TAL2: variants seen among roughly 807,000 people sequenced by gnomAD.
TAL2 encodes the protein TAL bHLH transcription factor 2.
For missense variants in TAL2, 114 were observed against 129.6 expected (o/e 0.88, Z 0.58); for synonymous variants, 48 against 52.4 (o/e 0.92, Z 0.36).
rs2133518812 is a variant in TAL2 at position 105,662,797 on chromosome 9, C to T, written c.301C>T (p.Pro101Ser). 1.3e-6 allele frequency: 2 copies of T among 1,518,560 alleles called. No homozygotes were observed. The highest frequency in any genetic ancestry group is 2.7e-5 in the South Asian group (2 of 72,940). 94.1% of individuals were successfully genotyped at this position (1,518,560 alleles called of 1,614,324 possible). Residue 101 changes from proline to serine, a missense_variant, in exon 1 of 1, where the codon CCT (proline) becomes TCT (serine). Coordinates refer to ENST00000334077, the MANE Select transcript of TAL2 (RefSeq NM_005421.3). The stretch of plus-strand genomic sequence containing the variant: ...GCTTGAGAACTACCAGGTTCCTTCA[C>T]CTGGTCCAAGCCACCACATTCCTTA... Reference protein sequence around the residue: ...TLLENYQVPSPGPSHHIP With the variant: ...TLLENYQVPSSGPSHHIP
rs1834857288 is a variant in TAL2 at position 105,662,806 on chromosome 9, A to C, written c.310A>C (p.Ser104Arg). 1 of 1,511,286 alleles carries C rather than the reference A, an allele frequency of 6.6e-7. No homozygotes were observed. Among genetic ancestry groups the C allele is most frequent in the Non-Finnish European group, 8.8e-7 (1 of 1,131,888 alleles). The allele number at this position is 1,511,286 out of a possible 1,614,324, so 93.6% of individuals were successfully genotyped here. A position where few individuals can be genotyped will look rare whatever the true frequency, so the allele number is the denominator to read the frequency against. ...CTACCAGGTTCCTTCACCTGGTCCAAGCCACCACATTCCTTAGTGTGGCTC... is the reference window on the plus strand; with the variant it reads ...CTACCAGGTTCCTTCACCTGGTCCACGCCACCACATTCCTTAGTGTGGCTC... ...ENYQVPSPGP[S>R]HHIP Residue 104 changes from serine to arginine, a missense_variant, in exon 1 of 1, where the codon AGC (serine) becomes CGC (arginine). Coordinates refer to ENST00000334077, the MANE Select transcript of TAL2 (RefSeq NM_005421.3).
chr9:105,662,745 C>T lies in TAL2; in HGVS notation c.249C>T (p.His83=). ...NILGLFPQGP[H]LPGLEDRTLL... ...TGGGGCTCTTCCCTCAAGGACCCCA[C>T]CTGCCAGGCCTGGAGGACAGAACTC... The change falls in exon 1 of 1, where the codon CAC becomes CAT. Residue 83 remains histidine, a synonymous_variant. Transcript: ENST00000334077. 1.3e-6 allele frequency: 2 copies of T among 1,581,644 alleles called. No individual in the cohort carries two copies. Among genetic ancestry groups the T allele is most frequent in the South Asian group, 1.2e-5 (1 of 85,110 alleles).
In TAL2 at chr9:105,662,492, CA is replaced by C. The variant is rs773363690; in HGVS notation, c.-2del. The C allele has an allele frequency of 6.3e-7, 1 of 1,589,710 alleles. No individual in the cohort carries two copies. Among genetic ancestry groups the C allele is most frequent in the South Asian group, 1.2e-5 (1 of 85,904 alleles). On this transcript the variant is annotated 5_prime_UTR_variant, in exon 1 of 1. Transcript: ENST00000334077. ...CCTTTCTCTTTCCATCTCAGGAACT[CA>C]AACATGACCAGGAAGATCTTCACAA...
chr9:105,662,477 T>G lies in TAL2; in HGVS notation c.-20T>G. The G allele has an allele frequency of 6.4e-7, 1 of 1,571,856 alleles. No homozygotes were observed. Among genetic ancestry groups the G allele is most frequent in the Non-Finnish European group, 8.6e-7 (1 of 1,162,834 alleles). On this transcript the variant is annotated 5_prime_UTR_variant, in exon 1 of 1. Coordinates refer to ENST00000334077, the MANE Select transcript of TAL2 (RefSeq NM_005421.3). ...ATTGGCCCTGAGGGCCCTTTCTCTT[T>G]CCATCTCAGGAACTCAAACATGACC...
In TAL2 at chr9:105,662,763, C is replaced by G. The variant is rs1834857028; in HGVS notation, c.267C>G (p.Asp89Glu). Residue 89 changes from aspartate to glutamate, a missense_variant, in exon 1 of 1, where the codon GAC becomes GAG. By Grantham distance (45) the Asp-to-Glu change is conservative. Coordinates refer to ENST00000334077, the MANE Select transcript of TAL2 (RefSeq NM_005421.3). ...GACCCCACCTGCCAGGCCTGGAGGA[C>G]AGAACTCTGCTTGAGAACTACCAGG... is the stretch of plus-strand genomic sequence containing the variant. ...PQGPHLPGLE[D>E]RTLLENYQVP... 6.4e-7 allele frequency: 1 copy of G among 1,554,770 alleles called. No homozygotes were observed. The highest frequency in any genetic ancestry group is 1.4e-5 in the African/African-American group (1 of 72,756).
In TAL2 at chr9:105,662,630, G is replaced by A. The variant is rs748538341; in HGVS notation, c.134G>A (p.Arg45His). The A allele has an allele frequency of 8.7e-6, 14 of 1,613,944 alleles. No homozygotes were observed. The highest frequency in any genetic ancestry group is 2.7e-5 in the African/African-American group (2 of 74,920). ...AAGCTGAGCAAAAATGAAACGCTTC[G>A]CCTGGCAATGAGGTATATCAACTTC... ...DKKLSKNETLRLAMRYINFLV... is the reference protein window; with the variant it reads ...DKKLSKNETLHLAMRYINFLV... The change falls in exon 1 of 1, where the codon CGC (arginine) becomes CAC (histidine). Residue 45 changes from arginine (R) to histidine (H), a missense_variant. Physicochemically the swap from Arg to His is conservative, Grantham distance 29. Coordinates refer to ENST00000334077, the MANE Select transcript of TAL2 (RefSeq NM_005421.3).
Position 105,663,100 on chromosome 9 carries a change from A to AGT in TAL2, c.*277_*278insGT. 3.0e-6 allele frequency: 1 copy of AGT among 335,212 alleles called. No individual in the cohort carries two copies. The highest frequency in any genetic ancestry group is 5.5e-6 in the Non-Finnish European group (1 of 183,276). 20.8% of individuals were successfully genotyped at this position (335,212 alleles called of 1,614,324 possible). On this transcript the variant is annotated 3_prime_UTR_variant, in exon 1 of 1. Transcript: ENST00000334077. ...TAAGACTTTTGGAGAAAAAATTCTA[A>AGT]ATAAAAAAAAAAAAAGGCTGAAAAT...
rs1834858051 is a variant in TAL2 at position 105,662,889 on chromosome 9, T to C, written c.*66T>C. The C allele has an allele frequency of 1.5e-6, 2 of 1,298,916 alleles. No individual in the cohort carries two copies. The highest frequency in any genetic ancestry group is 2.0e-6 in the Non-Finnish European group (2 of 983,724). The allele number at this position is 1,298,916 out of a possible 1,614,324, so 80.5% of individuals were successfully genotyped here. A position where few individuals can be genotyped will look rare whatever the true frequency, so the allele number is the denominator to read the frequency against. ...GAAATCACTGCCTGTGGACAGACTT[T>C]TGCATGTTCCAGAGTTGACCTGATG... On this transcript the variant is annotated 3_prime_UTR_variant, in exon 1 of 1. Transcript: ENST00000334077.
chr9:105,662,757 G>A lies in TAL2; in HGVS notation c.261G>A (p.Leu87=). ...LFPQGPHLPG[L]EDRTLLENYQ... is the part of the protein sequence containing the mutation. ...CTCAAGGACCCCACCTGCCAGGCCT[G>A]GAGGACAGAACTCTGCTTGAGAACT... is the stretch of plus-strand genomic sequence containing the variant. Residue 87 remains leucine, a synonymous_variant, in exon 1 of 1, where the codon CTG becomes CTA. Transcript: ENST00000334077. 1 of 1,571,478 alleles carries A rather than the reference G, an allele frequency of 6.4e-7. No individual in the cohort carries two copies. Among genetic ancestry groups the A allele is most frequent in the South Asian group, 1.2e-5 (1 of 82,994 alleles).
Position 105,662,859 on chromosome 9 carries a change from G to A in TAL2, c.*36G>A. ...GCTGTCATCTCCCAGGGCAGCACTT[G>A]CCCAGAAATCACTGCCTGTGGACAG... On this transcript the variant is annotated 3_prime_UTR_variant, in exon 1 of 1. Transcript: ENST00000334077. 1 of 1,444,848 alleles carries A rather than the reference G, an allele frequency of 6.9e-7. No homozygotes were observed. Among genetic ancestry groups the A allele is most frequent in the South Asian group, 1.7e-5 (1 of 60,492 alleles). 89.5% of individuals were successfully genotyped at this position (1,444,848 alleles called of 1,614,324 possible).
At position 105,662,693 on chromosome 9, in the gene TAL2, C is replaced by T. The variant is rs146125593; in HGVS notation, c.197C>T (p.Thr66Met). The part of the protein sequence containing the change: ...KVLGEQSLQQ[T>M]GVAAQGNILG... Reference sequence around the variant, plus strand: ...TTGGGGGAGCAAAGCCTGCAACAAACGGGAGTGGCTGCTCAGGGGAACATT... The same window carrying T: ...TTGGGGGAGCAAAGCCTGCAACAAATGGGAGTGGCTGCTCAGGGGAACATT... The change falls in exon 1 of 1, where the codon ACG becomes ATG. Residue 66 changes from threonine to methionine, a missense_variant. By Grantham distance (81) the Thr-to-Met change is moderately conservative (BLOSUM62 -1). Transcript: ENST00000334077. 1.5e-4 allele frequency: 240 copies of T among 1,612,682 alleles called. 3 individuals carry two copies. In the East Asian group the frequency reaches 3.5e-3, roughly 23 times the overall value.
Position 105,662,930 on chromosome 9 carries a change from T to C in TAL2, c.*107T>C. On this transcript the variant is annotated 3_prime_UTR_variant, in exon 1 of 1. Coordinates refer to ENST00000334077, the MANE Select transcript of TAL2 (RefSeq NM_005421.3). ...TGACCTGATGATAACTCGTGAAGCATGAATTCTAGCTTCCTGGGAGGTGGC... is the reference window on the plus strand; with the variant it reads ...TGACCTGATGATAACTCGTGAAGCACGAATTCTAGCTTCCTGGGAGGTGGC... 4.5e-6 allele frequency: 4 copies of C among 890,760 alleles called. No individual in the cohort carries two copies. The highest frequency in any genetic ancestry group is 6.1e-6 in the Non-Finnish European group (4 of 652,460). The allele number at this position is 890,760 out of a possible 1,614,324, so 55.2% of individuals were successfully genotyped here.
chr9:105,662,718 T>C lies in TAL2; in HGVS notation c.222T>C (p.Ile74=). The C allele has an allele frequency of 6.2e-7, 1 of 1,606,328 alleles. No individual in the cohort carries two copies. The highest frequency in any genetic ancestry group is 8.5e-7 in the Non-Finnish European group (1 of 1,176,114). Reference sequence around the variant, plus strand: ...CGGGAGTGGCTGCTCAGGGGAACATTCTGGGGCTCTTCCCTCAAGGACCCC... The same window carrying C: ...CGGGAGTGGCTGCTCAGGGGAACATCCTGGGGCTCTTCCCTCAAGGACCCC... ...QQTGVAAQGN[I]LGLFPQGPHL... is the part of the protein sequence containing the mutation. Residue 74 remains isoleucine (I), a synonymous_variant, in exon 1 of 1, where the codon ATT becomes ATC. Transcript: ENST00000334077.
In TAL2 at chr9:105,662,863, A is replaced by C; in HGVS notation, c.*40A>C. 2 of 1,423,234 alleles carry C rather than the reference A, an allele frequency of 1.4e-6. No individual in the cohort carries two copies. Among genetic ancestry groups the C allele is most frequent in the Non-Finnish European group, 1.9e-6 (2 of 1,074,910 alleles). The allele number at this position is 1,423,234 out of a possible 1,614,324, so 88.2% of individuals were successfully genotyped here. A position where few individuals can be genotyped will look rare whatever the true frequency, so the allele number is the denominator to read the frequency against. ...TCATCTCCCAGGGCAGCACTTGCCC[A>C]GAAATCACTGCCTGTGGACAGACTT... On this transcript the variant is annotated 3_prime_UTR_variant, in exon 1 of 1. Transcript: ENST00000334077.
In TAL2 at chr9:105,662,772, G is replaced by T; in HGVS notation, c.276G>T (p.Leu92=). ...TGCCAGGCCTGGAGGACAGAACTCT[G>T]CTTGAGAACTACCAGGTTCCTTCAC... ...PHLPGLEDRT[L]LENYQVPSPG... The change falls in exon 1 of 1, where the codon CTG becomes CTT. Residue 92 remains leucine, a synonymous_variant. Coordinates refer to ENST00000334077, the MANE Select transcript of TAL2 (RefSeq NM_005421.3). The T allele has an allele frequency of 6.5e-7, 1 of 1,540,994 alleles. No individual in the cohort carries two copies. Among genetic ancestry groups the T allele is most frequent in the Non-Finnish European group, 8.7e-7 (1 of 1,145,692 alleles).
Position 105,662,924 on chromosome 9 carries a change from G to C in TAL2, c.*101G>C, listed in dbSNP as rs993726709. ...CAGAGTTGACCTGATGATAACTCGT[G>C]AAGCATGAATTCTAGCTTCCTGGGA... On this transcript the variant is annotated 3_prime_UTR_variant, in exon 1 of 1. Coordinates refer to ENST00000334077, the MANE Select transcript of TAL2 (RefSeq NM_005421.3). 2.1e-6 allele frequency: 2 copies of C among 946,200 alleles called. No homozygotes were observed. Among genetic ancestry groups the C allele is most frequent in the Non-Finnish European group, 2.9e-6 (2 of 701,096 alleles). 58.6% of individuals were successfully genotyped at this position (946,200 alleles called of 1,614,324 possible). A position where few individuals can be genotyped will look rare whatever the true frequency, so the allele number is the denominator to read the frequency against.
rs1325142423 is a variant in TAL2 at position 105,662,466 on chromosome 9, C to T, written c.-31C>T. 4 of 1,552,938 alleles carry T rather than the reference C, an allele frequency of 2.6e-6. No individual in the cohort carries two copies. The highest frequency in any genetic ancestry group is 3.5e-6 in the Non-Finnish European group (4 of 1,151,502). On this transcript the variant is annotated 5_prime_UTR_variant, in exon 1 of 1. Transcript: ENST00000334077. ...TCTTATAAGATATTGGCCCTGAGGG[C>T]CCTTTCTCTTTCCATCTCAGGAACT...
rs747370929 is a variant in TAL2, at chr9:105,662,530, C to T, written c.34C>T (p.Arg12Trp). 4.0e-5 allele frequency: 64 copies of T among 1,611,160 alleles called. No homozygotes were observed. Among genetic ancestry groups the T allele is most frequent in the Middle Eastern group, 3.3e-4 (2 of 6,068 alleles). Residue 12 changes from arginine (R) to tryptophan (W), a missense_variant, in exon 1 of 1, where the codon CGG becomes TGG. Coordinates refer to ENST00000334077, the MANE Select transcript of TAL2 (RefSeq NM_005421.3). ...GAAGATCTTCACAAATACCAGGGAG[C>T]GGTGGAGGCAGCAGAATGTCAACAG... ...TRKIFTNTRE[R>W]WRQQNVNSAF...
chr9:105,662,869 C>A lies in TAL2; in HGVS notation c.*46C>A. The stretch of plus-strand genomic sequence containing the variant: ...CCCAGGGCAGCACTTGCCCAGAAAT[C>A]ACTGCCTGTGGACAGACTTTTGCAT... On this transcript the variant is annotated 3_prime_UTR_variant, in exon 1 of 1. Coordinates refer to ENST00000334077, the MANE Select transcript of TAL2 (RefSeq NM_005421.3). 7.1e-7 allele frequency: 1 copy of A among 1,408,824 alleles called. No homozygotes were observed. Among genetic ancestry groups the A allele is most frequent in the Non-Finnish European group, 9.4e-7 (1 of 1,064,940 alleles). 87.3% of individuals were successfully genotyped at this position (1,408,824 alleles called of 1,614,324 possible).
Sources: gnomAD v4.1 joint callset for allele counts on GRCh38, gnomAD v4.1.1 for gene constraint, MANE v1.5 for transcripts, NCBI Gene and HGNC (gene_info 2026-07-23, HGNC 2026-07-21) for gene names.